Variants in RNF152 observed in about 807,000 individuals in gnomAD.
RNF152 encodes E3 ubiquitin-protein ligase RNF152.
A neutral mutation model predicts 12.7 loss-of-function variants in RNF152; 11 were observed. That is an observed-to-expected ratio of 0.86 (90% confidence interval 0.54 to 1.43). RNF152 has a LOEUF of 1.43. Among genes scored for constraint, RNF152 ranks in the 40% most tolerant of loss-of-function variants. The pLI, the probability that RNF152 is intolerant of heterozygous loss-of-function variation, is 0.00. For missense variants in RNF152, 255 were observed against 274.8 expected, an observed-to-expected ratio of 0.93 and a Z score of 0.51; for synonymous variants, 113 against 120.3, an observed-to-expected ratio of 0.94 and a Z score of 0.40.
intron 1 of RNF152, among the ~76,000 whole-genome samples, chr18:61,854,314 T>C (rs745635597): frequency 3.3e-5 from 5 of 152,082 alleles, no homozygotes; most frequent in Non-Finnish European, 5.9e-5. Context: ...GTCACAACCA[T>C]CTAAGAGACT....
intron 1 of RNF152, among the ~76,000 whole-genome samples, chr18:61,847,464 T>C (rs919371429): frequency 1.3e-5 from 2 of 152,230 alleles, no homozygotes; most frequent in Non-Finnish European, 2.9e-5. Flanking sequence ...GCAAGTGTCC[T>C]TGAATCTGTT....
At chr18:61,819,333 A>G (rs1456869974) in intron 1 of RNF152, among the ~76,000 whole-genome samples, 1 of 152,252 alleles carries the variant, frequency 6.6e-6, no homozygotes, top group Admixed American at 6.5e-5. Context: ...GGCAGCCCCC[A>G]GTGCCAGGCC....
Position 61,814,848 on chromosome 18 carries a change from C to A in RNF152, c.*1004G>T, listed in dbSNP as rs960726168. The A allele has an allele frequency of 6.6e-6, 1 of 152,176 alleles. No homozygotes were observed. The highest frequency in any genetic ancestry group is 1.5e-5 in the Non-Finnish European group (1 of 68,028). 9.4% of individuals were successfully genotyped at this position (152,176 alleles called of 1,614,324 possible). On this transcript the variant is annotated 3_prime_UTR_variant, in exon 2 of 2. Transcript: ENST00000312828. ...TCTGTTACTCTCCATTTGCCTCTTACAAAATGCAGGACTTAAATACACAGA... is the reference window on the plus strand; with the variant it reads ...TCTGTTACTCTCCATTTGCCTCTTAAAAAATGCAGGACTTAAATACACAGA...
intron 1 of RNF152, among the ~76,000 whole-genome samples, chr18:61,826,738 T>G (rs1052803260): frequency 1.3e-5 from 2 of 152,220 alleles, no homozygotes; most frequent in Non-Finnish European, 2.9e-5. Context: ...CTGATTCTCT[T>G]AAATTTAGTA....
chr18:61,890,432 T>A (rs1309613892), intron 1 of RNF152: 1 of 152,254 alleles, frequency 6.6e-6, no homozygotes, highest in Non-Finnish European at 1.5e-5. Flanking sequence ...GCTGCAATGA[T>A]CTTGCAAGCT....
In RNF152 at chr18:61,815,776, C is replaced by T; in HGVS notation, c.*76G>A. The T allele has an allele frequency of 6.6e-7, 1 of 1,525,700 alleles. No individual in the cohort carries two copies. Among genetic ancestry groups the T allele is most frequent in the Non-Finnish European group, 9.0e-7 (1 of 1,117,026 alleles). 94.5% of individuals were successfully genotyped at this position (1,525,700 alleles called of 1,614,324 possible). ...CCAAATGGTCAGTGTTGCCCCCCAT[C>T]TTCTCACTGGGATCTCATCATCAAC... On this transcript the variant is annotated 3_prime_UTR_variant, in exon 2 of 2. Coordinates refer to ENST00000312828, the MANE Select transcript of RNF152 (RefSeq NM_173557.3).
chr18:61,888,491 A>G (rs1191886420), intron 1 of RNF152: 1 of 152,240 alleles, frequency 6.6e-6, no homozygotes, highest in African/African-American at 2.4e-5. Flanking sequence ...TCAATACAGT[A>G]TTCAATAAAC....
chr18:61,816,562 G>T lies in RNF152; in HGVS notation c.-99C>A. 7.7e-7 allele frequency: 1 copy of T among 1,297,662 alleles called. No homozygotes were observed. Among genetic ancestry groups the T allele is most frequent in the Non-Finnish European group, 1.1e-6 (1 of 934,812 alleles). The allele number at this position is 1,297,662 out of a possible 1,614,324, so 80.4% of individuals were successfully genotyped here. A position where few individuals can be genotyped will look rare whatever the true frequency, so the allele number is the denominator to read the frequency against. On this transcript the variant is annotated 5_prime_UTR_variant, in exon 2 of 2. Transcript: ENST00000312828. ...GTCTTTGCAGTGCAGGTAATGGCAA[G>T]CTCACAGGCATCCAGTACTCACAGG... is the stretch of plus-strand genomic sequence containing the variant.
intron 1 of RNF152, among the ~76,000 whole-genome samples, chr18:61,874,795 TTG>T (rs954593599): frequency 1.8e-4 from 27 of 152,354 alleles, no homozygotes; most frequent in Admixed American, 2.0e-4. Context: ...TTCTTAGCTA[TTG>T]TGTTTTCAGG....
At chr18:61,856,953 C>G (rs916987912) in intron 1 of RNF152, among the ~76,000 whole-genome samples, 2 of 152,204 alleles carry the variant, frequency 1.3e-5, no homozygotes, top group Admixed American at 1.3e-4. Context: ...AATCCCTCCT[C>G]TTCTAATAGC....
At chr18:61,868,903 A>G (rs1911858462) in intron 1 of RNF152, among the ~76,000 whole-genome samples, 1 of 152,164 alleles carries the variant, frequency 6.6e-6, no homozygotes, top group South Asian at 2.1e-4. Context: ...CAGCATCCAC[A>G]CATCTTCATA....
chr18:61,892,195 AAAC>A (rs1912990816), intron 1 of RNF152, among the ~76,000 whole-genome samples: 1 of 152,190 alleles, frequency 6.6e-6, no homozygotes, highest in South Asian at 2.1e-4. Flanking sequence ...ATCTAAATGG[AAAC>A]TTCACTCAAG....
rs1568256928 is a variant in RNF152, at chr18:61,813,958, A to AT, written c.*1893_*1894insA. The AT allele has an allele frequency of 3.3e-5, 5 of 152,210 alleles. No homozygotes were observed. Among genetic ancestry groups the AT allele is most frequent in the Admixed American group, 3.3e-4 (5 of 15,288 alleles). The allele number at this position is 152,210 out of a possible 1,614,324, so 9.4% of individuals were successfully genotyped here. Reference sequence around the variant, plus strand: ...ACACCTAAATTATTAATACCAAATAAATCCTAGATTATTTGTTGTATAATG... The same window carrying AT: ...ACACCTAAATTATTAATACCAAATAATATCCTAGATTATTTGTTGTATAATG... On this transcript the variant is annotated 3_prime_UTR_variant, in exon 2 of 2. Transcript: ENST00000312828.
intron 1 of RNF152, among the ~76,000 whole-genome samples, chr18:61,889,858 G>A (rs1912873222): frequency 1.3e-5 from 2 of 152,170 alleles, no homozygotes; most frequent in Non-Finnish European, 2.9e-5. Context: ...ACAAGAGGCA[G>A]ATGGTGAGGA....
At chr18:61,868,140 A>G (rs1911822968) in intron 1 of RNF152, among the ~76,000 whole-genome samples, 1 of 152,210 alleles carries the variant, frequency 6.6e-6, no homozygotes, top group Non-Finnish European at 1.5e-5. Flanking sequence ...CGTAGCCAGC[A>G]CAGGCATTCA....
chr18:61,827,263 G>A (rs777937786), intron 1 of RNF152, among the ~76,000 whole-genome samples: 1 of 152,166 alleles, frequency 6.6e-6, no homozygotes, highest in Non-Finnish European at 1.5e-5. Flanking sequence ...AGTATCATAC[G>A]GTGGGTCACC....
rs999654604 is a variant in RNF152 at position 61,814,155 on chromosome 18, G to A, written c.*1697C>T. The A allele has an allele frequency of 6.6e-6, 1 of 152,084 alleles. No homozygotes were observed. Among genetic ancestry groups the A allele is most frequent in the Non-Finnish European group, 1.5e-5 (1 of 67,984 alleles). The allele number at this position is 152,084 out of a possible 1,614,324, so 9.4% of individuals were successfully genotyped here. On this transcript the variant is annotated 3_prime_UTR_variant, in exon 2 of 2. Coordinates refer to ENST00000312828, the MANE Select transcript of RNF152 (RefSeq NM_173557.3). ...TTTGTATTCTAGCCATTATATTTTT[G>A]TTTTATTTCACATTAATTCCATCAC... is the stretch of plus-strand genomic sequence containing the variant.
intron 1 of RNF152, among the ~76,000 whole-genome samples, chr18:61,824,125 G>A (rs1909547012): frequency 6.6e-6 from 1 of 152,230 alleles, no homozygotes; most frequent in Non-Finnish European, 1.5e-5. Flanking sequence ...AAAGCCACAT[G>A]TCAGTATTGC....
Position 61,808,949 on chromosome 18 carries a change from C to G in RNF152, c.*6903G>C, listed in dbSNP as rs1356633328. On this transcript the variant is annotated 3_prime_UTR_variant, in exon 2 of 2. Transcript: ENST00000312828. ...ACTCCTTGGACCCTCATGAGCTGAG[C>G]ACATTACCCCACATGTCTTCAACTG... The G allele has an allele frequency of 6.6e-6, 1 of 152,194 alleles. No individual in the cohort carries two copies. The highest frequency in any genetic ancestry group is 1.5e-5 in the Non-Finnish European group (1 of 68,068). The allele number at this position is 152,194 out of a possible 1,614,324, so 9.4% of individuals were successfully genotyped here. A position where few individuals can be genotyped will look rare whatever the true frequency, so the allele number is the denominator to read the frequency against.
Sources: allele counts gnomAD v4.1 joint callset (sites outside exome capture counted in the v4.1 genomes callset), GRCh38; gene constraint gnomAD v4.1.1; transcripts MANE v1.5; gene names NCBI Gene and HGNC (gene_info 2026-07-23, HGNC 2026-07-21).